SLC35D4: variants seen among roughly 807,000 people sequenced by gnomAD.
SLC35D4 encodes the protein solute carrier family 35 member D4.
chr18:23,254,681 C>G, the SLC35D4 span, among the ~76,000 whole-genome samples: 1 of 152,152 alleles, frequency 6.6e-6, no homozygotes, highest in Non-Finnish European at 1.5e-5. Context: ...AGGTTCCTCT[C>G]CTTGCTCATG....
At chr18:23,273,502 A>G in the SLC35D4 span, among the ~76,000 whole-genome samples, 2 of 152,238 alleles carry the variant, frequency 1.3e-5, no homozygotes, top group African/African-American at 2.4e-5. Context: ...TTGTGGAGAC[A>G]CGGAAAGTGA....
At chr18:23,265,025 C>T in the SLC35D4 span, among the ~76,000 whole-genome samples, 1 of 150,626 alleles carries the variant, frequency 6.6e-6, no homozygotes, top group African/African-American at 2.5e-5. Context: ...AGGGATCCAC[C>T]CCCATGACCC....
At chr18:23,414,331 A>AAGGAAGGAAGGAAGGAAGGAAGGCAGGC in the SLC35D4 span, among the ~76,000 whole-genome samples, 6 of 140,448 alleles carry the variant, frequency 4.3e-5, no homozygotes, top group African/African-American at 1.4e-4. Flanking sequence ...GGAAGGAAGG[A>AAGGAAGGAAGGAAGGAAGGAAGGCAGGC]AGGCAGGCAG....
chr18:23,399,757 T>C, the SLC35D4 span: 1 of 1,003,406 alleles, frequency 1.0e-6, no homozygotes, highest in Non-Finnish European at 1.5e-6. Context: ...AGAGGCTGTC[T>C]AAAAATCCCT....
the SLC35D4 span, among the ~76,000 whole-genome samples, chr18:23,393,995 G>T: frequency 5.9e-5 from 9 of 152,162 alleles, no homozygotes; most frequent in Non-Finnish European, 1.2e-4. Context: ...TTTGTCTATT[G>T]TGAATAATAG....
the SLC35D4 span, among the ~76,000 whole-genome samples, chr18:23,372,950 TG>T: frequency 2.2e-4 from 25 of 111,114 alleles, no homozygotes; most frequent in African/African-American, 8.3e-4. Context: ...AGATGACTAC[TG>T]GGGGGCGGGG....
At chr18:23,391,094 C>T in the SLC35D4 span, among the ~76,000 whole-genome samples, 1 of 152,040 alleles carries the variant, frequency 6.6e-6, no homozygotes, top group African/African-American at 2.4e-5. Context: ...GGCATGGTGG[C>T]AGGCACCTGT....
the SLC35D4 span, among the ~76,000 whole-genome samples, chr18:23,406,109 C>A: frequency 6.6e-6 from 1 of 152,172 alleles, no homozygotes. Context: ...GATATAGCAA[C>A]AAGTGATACA....
At chr18:23,270,260 T>C in the SLC35D4 span, among the ~76,000 whole-genome samples, 2 of 152,224 alleles carry the variant, frequency 1.3e-5, no homozygotes, top group Non-Finnish European at 2.9e-5. Context: ...CCCCAAGCCT[T>C]GGTAGCTTAC....
At chr18:23,420,481 C>T in the SLC35D4 span, among the ~76,000 whole-genome samples, 1 of 151,818 alleles carries the variant, frequency 6.6e-6, no homozygotes, top group Admixed American at 6.6e-5. Context: ...TGAGGTGATC[C>T]TCCCACCTCA....
the SLC35D4 span, chr18:23,377,009 C>T: frequency 2.2e-6 from 1 of 454,900 alleles, no homozygotes; most frequent in Non-Finnish European, 4.4e-6. Context: ...CAGTAGAAAT[C>T]CTAAATCCAT....
At chr18:23,319,587 G>A in the SLC35D4 span, among the ~76,000 whole-genome samples, 6 of 152,126 alleles carry the variant, frequency 3.9e-5, no homozygotes, top group South Asian at 2.1e-4. Flanking sequence ...ACAGGCGTGC[G>A]CCACCATGCC....
At chr18:23,276,675 T>A in the SLC35D4 span, among the ~76,000 whole-genome samples, 2 of 152,352 alleles carry the variant, frequency 1.3e-5, no homozygotes, top group Admixed American at 6.5e-5. Flanking sequence ...ATTTTCCAGC[T>A]GGCACATACC....
the SLC35D4 span, among the ~76,000 whole-genome samples, chr18:23,371,908 C>G: frequency 7.6e-6 from 1 of 132,280 alleles, no homozygotes; most frequent in Non-Finnish European, 1.6e-5. Flanking sequence ...TAGGACACAT[C>G]CTATTTATTT....
the SLC35D4 span, among the ~76,000 whole-genome samples, chr18:23,249,886 G>T: frequency 1.2e-4 from 19 of 152,346 alleles, no homozygotes; most frequent in Non-Finnish European, 1.8e-4. Flanking sequence ...AGTGCATGGG[G>T]CACGAGCTGG....
chr18:23,404,545 T>C, the SLC35D4 span, among the ~76,000 whole-genome samples: 8 of 150,062 alleles, frequency 5.3e-5, no homozygotes, highest in Middle Eastern at 3.2e-3. Context: ...TGGTGGCCCA[T>C]GGCTATAGTC....
At chr18:23,326,600 A>G in the SLC35D4 span, among the ~76,000 whole-genome samples, 2 of 152,136 alleles carry the variant, frequency 1.3e-5, no homozygotes, top group African/African-American at 4.8e-5. Flanking sequence ...CACAATAATA[A>G]TGGGAGATTT....
At chr18:23,251,349 G>C in the SLC35D4 span, among the ~76,000 whole-genome samples, 5 of 152,200 alleles carry the variant, frequency 3.3e-5, no homozygotes, top group Admixed American at 6.5e-5. Context: ...TACTCGGAAG[G>C]CTGAGGCAGG....
the SLC35D4 span, among the ~76,000 whole-genome samples, chr18:23,389,500 C>T: frequency 6.6e-6 from 1 of 152,306 alleles, no homozygotes. Context: ...ACCAGTTGCA[C>T]TCTATCAGCC....
Sources: gnomAD v4.1 joint callset for allele counts (sites outside exome capture counted in the v4.1 genomes callset) on GRCh38, gnomAD v4.1.1 for gene constraint, MANE v1.5 for transcripts, NCBI Gene and HGNC (gene_info 2026-07-23, HGNC 2026-07-21) for gene names.